The following PCLO variants were observed in gnomAD, a reference collection of about 807,000 sequenced individuals.
PCLO encodes protein piccolo.
Under a neutral mutation model 427.5 loss-of-function variants are expected in PCLO, and 82 were observed. That is an observed-to-expected ratio of 0.19 (90% CI 0.16 to 0.23). The LOEUF (loss-of-function observed/expected upper bound fraction) is 0.23, where lower values mean the gene tolerates loss of function less well. Among genes scored for constraint, PCLO ranks in the 10% least tolerant of loss-of-function variants. The pLI, the probability that PCLO is intolerant of heterozygous loss-of-function variation, is 1.00. For synonymous variants in PCLO, 2,357 were observed against 2,155.4 expected, an observed-to-expected ratio of 1.09 and a Z score of -2.59; for missense variants, 6,239 against 6,115.9, an observed-to-expected ratio of 1.02 and a Z score of -0.67.
Position 82,952,313 on chromosome 7 carries a change from T to G in PCLO, c.8640A>C (p.Thr2880=). 6.2e-7 allele frequency: 1 copy of G among 1,614,016 alleles called. No individual in the cohort carries two copies. Among genetic ancestry groups the G allele is most frequent in the Non-Finnish European group, 8.5e-7 (1 of 1,179,860 alleles). The part of the protein sequence containing the change: ...KPVTVPPVGV[T]NGWTDSTVSQ... ...ATACGGTGCTATCAGTCCATCCATT[T>G]GTGACACCAACAGGAGGCACAGTGA... The change falls in exon 5 of 25, where the codon ACA becomes ACC. Residue 2880 remains threonine, a synonymous_variant. Coordinates refer to ENST00000333891, the MANE Select transcript of PCLO (RefSeq NM_033026.6).
chr7:83,024,501 G>C (rs577139191), intron 3 of PCLO, among the ~76,000 whole-genome samples: 1 of 152,116 alleles, frequency 6.6e-6, no homozygotes, highest in Non-Finnish European at 1.5e-5. Context: ...TCTGAGATCA[G>C]ACTGCAATGC....
At chr7:83,034,184 C>T (rs1788736807) in intron 3 of PCLO, among the ~76,000 whole-genome samples, 2 of 151,920 alleles carry the variant, frequency 1.3e-5, no homozygotes, top group Admixed American at 6.6e-5. Context: ...TAACTTAGAC[C>T]CATGCTGTTT....
rs1188097435 is a variant in PCLO, at chr7:82,956,169, T to C, written c.4784A>G (p.Glu1595Gly). Residue 1595 changes from glutamate (E) to glycine (G), a missense_variant, in exon 5 of 25, where the codon GAA becomes GGA. Physicochemically the swap from Glu to Gly is moderately conservative, Grantham distance 98. Around this residue, in one of 5 missense-constraint regions of PCLO, gnomAD observed 4,677 missense variants for 4,468.4 expected, o/e 1.05. Coordinates refer to ENST00000333891, the MANE Select transcript of PCLO (RefSeq NM_033026.6). Reference sequence around the variant, plus strand: ...TATTTTGCCTTTTCCCTTTGTTTCTTCCTTCTTCTGGCTCTCAGTACTGCT... The same window carrying C: ...TATTTTGCCTTTTCCCTTTGTTTCTCCCTTCTTCTGGCTCTCAGTACTGCT... Reference protein sequence around the residue: ...ISSSTESQKKEETKGKGKITA... With the variant: ...ISSSTESQKKGETKGKGKITA... 1.9e-6 allele frequency: 3 copies of C among 1,608,958 alleles called. No individual in the cohort carries two copies. Among genetic ancestry groups the C allele is most frequent in the Non-Finnish European group, 2.5e-6 (3 of 1,179,860 alleles).
rs561054125 is a variant in PCLO at position 82,921,985 on chromosome 7, C to T, written c.11113-5112G>A. Among the ~76,000 whole-genome samples, 21 of 152,068 alleles carry T rather than the reference C, an allele frequency of 1.4e-4. No individual in the cohort carries two copies. In the South Asian group the frequency reaches 3.9e-3, roughly 28 times the overall value. ...AACAAGCATATGAAAAAATGCTCAACATCAGTAATCATTAGGGGAATGCAA... is the reference window on the plus strand; with the variant it reads ...AACAAGCATATGAAAAAATGCTCAATATCAGTAATCATTAGGGGAATGCAA... On this transcript the variant is annotated intron_variant, in intron 6 of 24. Coordinates refer to ENST00000333891, the MANE Select transcript of PCLO (RefSeq NM_033026.6).
intron 3 of PCLO, among the ~76,000 whole-genome samples, chr7:83,033,209 T>C (rs1222555185): frequency 1.3e-5 from 2 of 152,162 alleles, no homozygotes; most frequent in Admixed American, 6.6e-5. Context: ...GGTTGTATCT[T>C]TATAGCAGTG....
intron 3 of PCLO, 32 bp downstream of exon 3, chr7:83,134,218 A>ATATATAT (rs1791647654): frequency 2.5e-6 from 1 of 406,888 alleles, no homozygotes; most frequent in Non-Finnish European, 3.7e-6. Flanking sequence ...CTCCATATGT[A>ATATATAT]ATATATATAT....
At chr7:82,910,622 G>T (rs953203547) in intron 7 of PCLO, among the ~76,000 whole-genome samples, 1 of 152,008 alleles carries the variant, frequency 6.6e-6, no homozygotes, top group Non-Finnish European at 1.5e-5. Flanking sequence ...ATAAATATTG[G>T]CATGAATGAA....
At chr7:83,054,572 C>CA (rs1398143129) in intron 3 of PCLO, among the ~76,000 whole-genome samples, 1 of 151,820 alleles carries the variant, frequency 6.6e-6, no homozygotes. Context: ...TGGTATGAAT[C>CA]AAAAAATCAA....
chr7:82,807,702 A>G (rs577621747), intron 20 of PCLO, among the ~76,000 whole-genome samples: 4 of 152,078 alleles, frequency 2.6e-5, no homozygotes, highest in Non-Finnish European at 5.9e-5. Context: ...TCCCGAGAAT[A>G]GGGAACAAGA....
At position 82,909,536 on chromosome 7, in the gene PCLO, AC is replaced by A. The variant is rs533610243; in HGVS notation, c.13301-524del. Among the ~76,000 whole-genome samples the A allele has an allele frequency of 3.2e-3, 489 of 152,178 alleles. 2 individuals are homozygous for A. The highest frequency in any genetic ancestry group is 0.011 in the African/African-American group (470 of 41,546). On this transcript the variant is annotated intron_variant, in intron 7 of 24. Coordinates refer to ENST00000333891, the MANE Select transcript of PCLO (RefSeq NM_033026.6). ...TGTATCCCAGAACTTAAAGTATAAT[AC>A]AAAAATTAAAACAAAAAGTATTCCT...
At chr7:82,992,301 G>C (rs1796396119) in intron 3 of PCLO, among the ~76,000 whole-genome samples, 1 of 152,016 alleles carries the variant, frequency 6.6e-6, no homozygotes, top group African/African-American at 2.4e-5. Flanking sequence ...CTCATCTCTG[G>C]AGGGGAAAGA....
chr7:82,976,912 A>C (rs1796029709), intron 3 of PCLO, among the ~76,000 whole-genome samples: 1 of 152,070 alleles, frequency 6.6e-6, no homozygotes, highest in Non-Finnish European at 1.5e-5. Flanking sequence ...TTTTGTAGAG[A>C]TAGGATCTCG....
chr7:83,012,572 G>A (rs568381261), intron 3 of PCLO, among the ~76,000 whole-genome samples: 6 of 132,592 alleles, frequency 4.5e-5, no homozygotes, highest in South Asian at 4.9e-4. Context: ...AGCCGAGATC[G>A]CACAATTGCA....
intron 3 of PCLO, among the ~76,000 whole-genome samples, chr7:83,002,734 T>C (rs1787854782): frequency 6.6e-6 from 1 of 151,880 alleles, no homozygotes; most frequent in South Asian, 2.1e-4. Flanking sequence ...TTTGCCTTTA[T>C]TGATATGGAA....
chr7:83,155,279 T>C lies in PCLO; in HGVS notation c.1362A>G (p.Ala454=). ...GCTGGGCAGAAGTCTTTCCGGGTCC[T>C]GCCTGTTGAGCTGGAATCTTTCCTG... The part of the protein sequence containing the change: ...PGPGKIPAQQ[A]GPGKTSAQQT... Residue 454 remains alanine (A), a synonymous_variant, in exon 2 of 25, where the codon GCA becomes GCG. Transcript: ENST00000333891. 1.2e-6 allele frequency: 2 copies of C among 1,613,858 alleles called. No homozygotes were observed. Among genetic ancestry groups the C allele is most frequent in the Non-Finnish European group, 1.7e-6 (2 of 1,179,858 alleles).
rs542526683 is a variant in PCLO, at chr7:82,917,479, T to C, written c.11113-606A>G. 9.2e-5 allele frequency among the ~76,000 whole-genome samples: 14 copies of C among 152,206 alleles called. No homozygotes were observed. The South Asian group carries it at 2.5e-3, about 27-fold the overall frequency. On this transcript the variant is annotated intron_variant, in intron 6 of 24. Coordinates refer to ENST00000333891, the MANE Select transcript of PCLO (RefSeq NM_033026.6). The stretch of plus-strand genomic sequence containing the variant: ...AAAAGAACTGACCAATAAAACTCCA[T>C]TGGAACCTTTTAAAAAATCAGATAA...
At chr7:82,795,564 T>C (rs966146883) in intron 22 of PCLO, among the ~76,000 whole-genome samples, 1 of 152,188 alleles carries the variant, frequency 6.6e-6, no homozygotes, top group African/African-American at 2.4e-5. Flanking sequence ...GTAAGTACAA[T>C]GGTAAGAGTC....
In PCLO at chr7:82,956,156, TC is replaced by T. The variant is rs1277028123; in HGVS notation, c.4796del (p.Gly1599GlufsTer5). The T allele has an allele frequency of 6.2e-7, 1 of 1,608,562 alleles. No homozygotes were observed. Among genetic ancestry groups the T allele is most frequent in the African/African-American group, 1.3e-5 (1 of 74,932 alleles). On this transcript the variant is annotated frameshift_variant, in exon 5 of 25. Transcript: ENST00000333891. LOFTEE classifies it high-confidence loss of function. ...GTTTCCCTGCTGTTATTTTGCCTTTTCCCTTTGTTTCTTCCTTCTTCTGGCT... is the reference window on the plus strand; with the variant it reads ...GTTTCCCTGCTGTTATTTTGCCTTTTCCTTTGTTTCTTCCTTCTTCTGGCT... ...TESQKKEETK[G>X]KGKITAGKHR...
chr7:82,783,734 G>A (rs1331954989), intron 22 of PCLO, among the ~76,000 whole-genome samples: 1 of 151,548 alleles, frequency 6.6e-6, no homozygotes, highest in African/African-American at 2.4e-5. Context: ...AGGCATAAGA[G>A]AACATAAAGA....
Sources: gnomAD v4.1 joint callset for allele counts (sites outside exome capture counted in the v4.1 genomes callset) on GRCh38, gnomAD v4.1.1 for gene constraint, gnomAD v4.1.1 regional missense constraint, MANE v1.5 for transcripts, NCBI Gene and HGNC (gene_info 2026-07-23, HGNC 2026-07-21) for gene names.